SPIDR: variants seen among roughly 807,000 people sequenced by gnomAD.
SPIDR encodes DNA repair-scaffolding protein.
A neutral mutation model predicts 104.6 loss-of-function variants in SPIDR; 93 were observed. That is an observed-to-expected ratio of 0.89 (90% CI 0.75 to 1.06). The LOEUF (loss-of-function observed/expected upper bound fraction) is 1.06, where lower values mean the gene tolerates loss of function less well. SPIDR is among the 50% of genes least tolerant of loss of function. The pLI is 0.00. For synonymous variants in SPIDR, 431 were observed against 416.9 expected, an observed-to-expected ratio of 1.03 and a Z score of -0.41; for missense variants, 1,154 against 1,111.2, an observed-to-expected ratio of 1.04 and a Z score of -0.55.
rs1190638377 is a variant in SPIDR, at chr8:47,718,503, CTCT to C, written c.2341+4864_2341+4866del. Among the ~76,000 whole-genome samples the C allele has an allele frequency of 2.7e-5, 4 of 150,400 alleles. No individual in the cohort carries two copies. The East Asian group carries it at 7.8e-4, about 29-fold the overall frequency. On this transcript the variant is annotated intron_variant, in intron 16 of 19. Transcript: ENST00000297423. The stretch of plus-strand genomic sequence containing the variant: ...ATATGCTTAAACTACTTATCTTTGG[CTCT>C]TTTTTTTTTTCATTTTTCTGTACCT...
intron 10 of SPIDR, among the ~76,000 whole-genome samples, chr8:47,643,666 G>A (rs770453663): frequency 2.6e-5 from 4 of 152,018 alleles, no homozygotes; most frequent in Non-Finnish European, 4.4e-5. Flanking sequence ...GTGCCTGACC[G>A]CAACTTCTAT....
Position 47,302,420 on chromosome 8 carries a change from C to T in SPIDR, c.525+8390C>T, listed in dbSNP as rs991804252. Among the ~76,000 whole-genome samples the T allele has an allele frequency of 1.9e-3, 296 of 152,120 alleles. 1 individual carries two copies. The highest frequency in any genetic ancestry group is 6.9e-3 in the African/African-American group (288 of 41,498). On this transcript the variant is annotated intron_variant, in intron 5 of 19. Transcript: ENST00000297423. ...CTCCTTTAGCTCGGAGTAGTTTGAT[C>T]GTCTGAAGCCTTCTTCTCTCAACTC... is the stretch of plus-strand genomic sequence containing the variant.
intron 7 of SPIDR, among the ~76,000 whole-genome samples, chr8:47,417,396 C>T (rs1242123671): frequency 6.6e-6 from 1 of 152,172 alleles, no homozygotes; most frequent in African/African-American, 2.4e-5. Context: ...AGCATTTTTT[C>T]ATGTGTCTCT....
At chr8:47,360,101 G>T (rs1554628858) in intron 5 of SPIDR, among the ~76,000 whole-genome samples, 1 of 151,864 alleles carries the variant, frequency 6.6e-6, no homozygotes, top group African/African-American at 2.4e-5. Flanking sequence ...AATTAGCTGG[G>T]CGTGGTGGCG....
chr8:47,309,754 G>A (rs1320388992), intron 5 of SPIDR, among the ~76,000 whole-genome samples: 1 of 152,192 alleles, frequency 6.6e-6, no homozygotes, highest in African/African-American at 2.4e-5. Flanking sequence ...AAAGTAGTAA[G>A]TTGGCCAGGC....
intron 8 of SPIDR, among the ~76,000 whole-genome samples, chr8:47,487,685 C>T (rs1172273180): frequency 1.3e-5 from 2 of 152,164 alleles, no homozygotes; most frequent in Non-Finnish European, 2.9e-5. Flanking sequence ...CAAACTAGAA[C>T]TCAGGATTAA....
intron 8 of SPIDR, among the ~76,000 whole-genome samples, chr8:47,482,119 C>A (rs1293320378): frequency 5.9e-5 from 9 of 152,158 alleles, no homozygotes; most frequent in African/African-American, 2.2e-4. Context: ...ACGTACTTCC[C>A]TTCTGTTGCT....
At chr8:47,546,929 G>A in intron 8 of SPIDR, 1 of 463,112 alleles carries the variant, frequency 2.2e-6, no homozygotes. Context: ...ACGTTGGAAA[G>A]CCAGGTGGCA....
chr8:47,653,191 G>A (rs192746456), intron 10 of SPIDR, among the ~76,000 whole-genome samples: 10 of 152,254 alleles, frequency 6.6e-5, no homozygotes, highest in East Asian at 1.9e-4. Context: ...TGACTCTTGC[G>A]TGGGCCAACA....
rs2048776025 is a variant in SPIDR at position 47,331,972 on chromosome 8, TTTTTTTTTTTTTTTCTC to T, written c.525+37957_525+37973del. On this transcript the variant is annotated intron_variant, in intron 5 of 19. Coordinates refer to ENST00000297423, the MANE Select transcript of SPIDR (RefSeq NM_001080394.4). ...TTAAAAAATTTTTTTAAACTTTTTT[TTTTTTTTTTTTTTTCTC>T]TTTTTTTTTTTTTTTTTTTTTTATT... Among the ~76,000 whole-genome samples, 13 of 67,238 alleles carry T rather than the reference TTTTTTTTTTTTTTTCTC, an allele frequency of 1.9e-4. 1 individual carries two copies. In the South Asian group the frequency reaches 7.1e-3, roughly 37 times the overall value. The allele number at this position is 67,238 out of a possible 152,430, so 44.1% of individuals were successfully genotyped here. A position where few individuals can be genotyped will look rare whatever the true frequency, so the allele number is the denominator to read the frequency against.
chr8:47,641,937 C>T (rs149980374), intron 10 of SPIDR, among the ~76,000 whole-genome samples: 2 of 152,240 alleles, frequency 1.3e-5, no homozygotes, highest in South Asian at 2.1e-4. Flanking sequence ...CACCTACTTA[C>T]ATCCTAATGG....
At position 47,365,010 on chromosome 8, in the gene SPIDR, C is replaced by T. The variant is rs574265993; in HGVS notation, c.526-31366C>T. ...CAACTTGTGCTTCTCTGTGCATGTA[C>T]AGCACAGCATCTGTAGCAAAAGGAG... On this transcript the variant is annotated intron_variant, in intron 5 of 19. Coordinates refer to ENST00000297423, the MANE Select transcript of SPIDR (RefSeq NM_001080394.4). Among the ~76,000 whole-genome samples, 9 of 152,340 alleles carry T rather than the reference C, an allele frequency of 5.9e-5. No individual in the cohort carries two copies. In the East Asian group the frequency reaches 1.7e-3, roughly 29 times the overall value.
intron 8 of SPIDR, among the ~76,000 whole-genome samples, chr8:47,541,041 AT>A (rs2088015302): frequency 6.6e-6 from 1 of 152,002 alleles, no homozygotes; most frequent in Admixed American, 6.6e-5. Context: ...TGTATTTTTA[AT>A]AGAGGTGGGG....
At chr8:47,447,048 G>A (rs955463089) in intron 8 of SPIDR, among the ~76,000 whole-genome samples, 9 of 152,136 alleles carry the variant, frequency 5.9e-5, no homozygotes, top group African/African-American at 2.2e-4. Context: ...GACTTCAGGG[G>A]TTTAAAACTT....
chr8:47,292,387 G>T (rs1163977728), intron 4 of SPIDR, among the ~76,000 whole-genome samples: 1 of 152,082 alleles, frequency 6.6e-6, no homozygotes, highest in Non-Finnish European at 1.5e-5. Context: ...TATATAAGCT[G>T]ATAGCAGTTC....
chr8:47,336,659 A>C (rs1340384069), intron 5 of SPIDR, among the ~76,000 whole-genome samples: 1 of 152,182 alleles, frequency 6.6e-6, no homozygotes, highest in Non-Finnish European at 1.5e-5. Context: ...TCAGAGCAGA[A>C]GGTTGTTCCC....
intron 16 of SPIDR, among the ~76,000 whole-genome samples, chr8:47,719,624 C>A (rs955907119): frequency 6.6e-6 from 1 of 152,172 alleles, no homozygotes; most frequent in African/African-American, 2.4e-5. Flanking sequence ...CTGGCCCAGG[C>A]ACTGGGCTAA....
intron 11 of SPIDR, among the ~76,000 whole-genome samples, chr8:47,690,280 G>T (rs1320030435): frequency 2.0e-5 from 3 of 151,986 alleles, no homozygotes; most frequent in South Asian, 2.1e-4. Context: ...TGTGGGGGGG[G>T]TGAGGGGTGC....
At chr8:47,662,654 A>G (rs1563465039) in intron 10 of SPIDR, among the ~76,000 whole-genome samples, 1 of 152,214 alleles carries the variant, frequency 6.6e-6, no homozygotes, top group Admixed American at 6.5e-5. Flanking sequence ...ATTTTTCATA[A>G]ATATGTTTAA....
Sources: gnomAD v4.1 joint callset for allele counts (sites outside exome capture counted in the v4.1 genomes callset) on GRCh38, gnomAD v4.1.1 for gene constraint, MANE v1.5 for transcripts, NCBI Gene and HGNC (gene_info 2026-07-23, HGNC 2026-07-21) for gene names.